ITPR2: variants seen among roughly 807,000 people sequenced by gnomAD.
The protein encoded by ITPR2 is inositol 1,4,5-trisphosphate-gated calcium channel ITPR2.
A neutral mutation model predicts 317.1 loss-of-function variants in ITPR2; 207 were observed. The observed-to-expected ratio is 0.65, with a 90% CI of 0.58 to 0.73. ITPR2 has a LOEUF of 0.73. ITPR2 is among the 30% of genes least tolerant of loss of function. The probability of loss-of-function intolerance (pLI) is 0.00; values close to 1 mark genes in which losing one functional copy is unlikely to be tolerated. For missense variants in ITPR2, 2,613 were observed against 3,284.0 expected, an observed-to-expected ratio of 0.80 and a Z score of 4.99; for synonymous variants, 1,156 against 1,149.1, an observed-to-expected ratio of 1.01 and a Z score of -0.12.
chr12:26,486,112 C>T lies in ITPR2; in HGVS notation c.5803G>A (p.Glu1935Lys). 1 of 1,614,060 alleles carries T rather than the reference C, an allele frequency of 6.2e-7. No homozygotes were observed. The highest frequency in any genetic ancestry group is 8.5e-7 in the Non-Finnish European group (1 of 1,179,966). ...CAAAACAGAACAAATACCTGCAATT[C>T]CCGGTTGTGATTCTCACACAGTAAC... Reference protein sequence around the residue: ...LQLLCENHNRELQNFLRNQNN... With the variant: ...LQLLCENHNRKLQNFLRNQNN... The change falls in exon 41 of 57, where the codon GAA (glutamate) becomes AAA (lysine). Residue 1935 changes from glutamate (E) to lysine (K), a missense_variant. Glu to Lys is a moderately conservative substitution (Grantham distance 56, BLOSUM62 1). Transcript: ENST00000381340.
chr12:26,383,618 G>C (rs1044840216), intron 55 of ITPR2, among the ~76,000 whole-genome samples: 6 of 151,202 alleles, frequency 4.0e-5, no homozygotes, highest in African/African-American at 1.5e-4. Context: ...CGAGTAGCTG[G>C]GACTACATGT....
At chr12:26,622,116 A>G in intron 25 of ITPR2, 124 bp downstream of exon 25, 1 of 756,096 alleles carries the variant, frequency 1.3e-6, no homozygotes, top group Non-Finnish European at 2.0e-6. Flanking sequence ...CTGTTTAAAA[A>G]TAGAAAGTGT....
At position 26,663,402 on chromosome 12, in the gene ITPR2, A is replaced by G. The variant is rs575971443; in HGVS notation, c.1713+283T>C. Among the ~76,000 whole-genome samples, 13 of 152,272 alleles carry G rather than the reference A, an allele frequency of 8.5e-5. No individual in the cohort carries two copies. The South Asian group carries it at 1.5e-3, about 17-fold the overall frequency. On this transcript the variant is annotated intron_variant, in intron 15 of 56. Transcript: ENST00000381340. ...CCAAAAATGTTCCATTCCTCCTTAC[A>G]TAATAGATCCAGGATGTCCTGGCCA...
intron 9 of ITPR2, among the ~76,000 whole-genome samples, chr12:26,697,673 G>C (rs1948376883): frequency 6.6e-6 from 1 of 152,086 alleles, no homozygotes. Context: ...GCTGGGCATG[G>C]TGGCACGCAC....
chr12:26,475,552 G>C (rs1942398236), intron 44 of ITPR2, 134 bp from the exon 45 acceptor site: 3 of 837,516 alleles, frequency 3.6e-6, no homozygotes, highest in Non-Finnish European at 5.4e-6. Context: ...AATGGCCTTG[G>C]AAACCATCCT....
Position 26,428,050 on chromosome 12 carries a change from C to T in ITPR2, c.6808G>A (p.Ala2270Thr), listed in dbSNP as rs1166637226. The T allele has an allele frequency of 6.2e-7, 1 of 1,609,516 alleles. No individual in the cohort carries two copies. Among genetic ancestry groups the T allele is most frequent in the Non-Finnish European group, 8.5e-7 (1 of 1,178,250 alleles). Residue 2270 changes from alanine to threonine, a missense_variant, in exon 49 of 57, where the codon GCA becomes ACA. Ala to Thr is a moderately conservative substitution (Grantham distance 58). Around this residue, in one of 9 missense-constraint regions of ITPR2, gnomAD observed 926 missense variants for 1,072.8 expected, o/e 0.86. Transcript: ENST00000381340. ...AGCATAGATGTGCAGATCGCAACTG[C>T]TATCCAAAGAAGAACCGAGAACAAT... is the stretch of plus-strand genomic sequence containing the variant. ...SPLFSVLLWIAVAICTSMLFF... is the reference protein window; with the variant it reads ...SPLFSVLLWITVAICTSMLFF...
chr12:26,375,423 A>ATT (rs1939309198), intron 55 of ITPR2, among the ~76,000 whole-genome samples: 2 of 152,222 alleles, frequency 1.3e-5, no homozygotes, highest in Non-Finnish European at 2.9e-5. Context: ...TTTCATACTA[A>ATT]AATGTAATCA....
At chr12:26,538,559 AT>A (rs887029803) in intron 37 of ITPR2, among the ~76,000 whole-genome samples, 6 of 150,990 alleles carry the variant, frequency 4.0e-5, no homozygotes, top group African/African-American at 1.5e-4. Flanking sequence ...AAAGCCTGTG[AT>A]TTTTTTTTCT....
intron 55 of ITPR2, chr12:26,373,599 C>G (rs1455463011): frequency 6.6e-6 from 1 of 152,182 alleles, no homozygotes; most frequent in East Asian, 1.9e-4. Flanking sequence ...AGTTAACAAT[C>G]ACAGTAGAAC....
chr12:26,338,248 C>T lies in ITPR2; in HGVS notation c.*1149G>A. On this transcript the variant is annotated 3_prime_UTR_variant, in exon 57 of 57. Coordinates refer to ENST00000381340, the MANE Select transcript of ITPR2 (RefSeq NM_002223.4). Reference sequence around the variant, plus strand: ...AGGTTATTCTCTCCCTCGACAAATTCTGAGTGCATGATTTAATACAAAAAC... The same window carrying T: ...AGGTTATTCTCTCCCTCGACAAATTTTGAGTGCATGATTTAATACAAAAAC... 1 of 152,746 alleles carries T rather than the reference C, an allele frequency of 6.5e-6. No homozygotes were observed. Among genetic ancestry groups the T allele is most frequent in the Non-Finnish European group, 1.5e-5 (1 of 68,020 alleles). 9.5% of individuals were successfully genotyped at this position (152,746 alleles called of 1,614,324 possible). A position where few individuals can be genotyped will look rare whatever the true frequency, so the allele number is the denominator to read the frequency against.
At chr12:26,510,315 C>T (rs1413139452) in intron 37 of ITPR2, among the ~76,000 whole-genome samples, 1 of 152,182 alleles carries the variant, frequency 6.6e-6, no homozygotes, top group Non-Finnish European at 1.5e-5. Context: ...AATAAGACTA[C>T]ACATCTTCCA....
intron 38 of ITPR2, among the ~76,000 whole-genome samples, 167 bp from the exon 39 acceptor site, chr12:26,494,507 C>T (rs910781403): frequency 9.2e-5 from 14 of 151,948 alleles, no homozygotes; most frequent in Admixed American, 2.6e-4. Flanking sequence ...TGGTGGCTCA[C>T]GCCTGTAATC....
At chr12:26,561,553 C>T (rs1944818790) in intron 35 of ITPR2, among the ~76,000 whole-genome samples, 1 of 152,074 alleles carries the variant, frequency 6.6e-6, no homozygotes, top group Admixed American at 6.6e-5. Context: ...ACTATCAAAA[C>T]AGAGTTATTA....
rs1033634268 is a variant in ITPR2 at position 26,600,082 on chromosome 12, T to G, written c.3706A>C (p.Asn1236His). The change falls in exon 29 of 57, where the codon AAT (asparagine) becomes CAT (histidine). Residue 1236 changes from asparagine to histidine, a missense_variant. Asn to His is a moderately conservative substitution (Grantham distance 68). Transcript: ENST00000381340. Reference sequence around the variant, plus strand: ...TTCTGCAGAAATGTATGGGCTAGATTCATTACTTCATTCATCTTTTCATCA... The same window carrying G: ...TTCTGCAGAAATGTATGGGCTAGATGCATTACTTCATTCATCTTTTCATCA... ...KNDEKMNEVM[N>H]LAHTFLQNFC... 18 of 1,606,314 alleles carry G rather than the reference T, an allele frequency of 1.1e-5. No individual in the cohort carries two copies. The Middle Eastern group carries it at 5.0e-4, about 44-fold the overall frequency.
chr12:26,758,031 A>C (rs189461420), intron 2 of ITPR2, among the ~76,000 whole-genome samples: 25 of 152,302 alleles, frequency 1.6e-4, no homozygotes, highest in African/African-American at 6.0e-4. Context: ...TTTGATTCTG[A>C]AGTAACTGTC....
intron 5 of ITPR2, among the ~76,000 whole-genome samples, chr12:26,717,689 T>A (rs1948765548): frequency 6.6e-6 from 1 of 152,196 alleles, no homozygotes; most frequent in Admixed American, 6.5e-5. Context: ...TAGGAGGATC[T>A]GCATAAATAA....
At chr12:26,639,090 T>C (rs190234343) in intron 21 of ITPR2, among the ~76,000 whole-genome samples, 1 of 152,078 alleles carries the variant, frequency 6.6e-6, no homozygotes, top group Non-Finnish European at 1.5e-5. Context: ...GATTGAGTCA[T>C]AAGAGGAACT....
intron 2 of ITPR2, among the ~76,000 whole-genome samples, chr12:26,752,289 G>A (rs1949436928): frequency 6.6e-6 from 1 of 152,122 alleles, no homozygotes; most frequent in Non-Finnish European, 1.5e-5. Flanking sequence ...AAAGGAGCTG[G>A]GTAAAATGAG....
intron 32 of ITPR2, among the ~76,000 whole-genome samples, chr12:26,586,154 T>C (rs1249315338): frequency 6.6e-6 from 1 of 152,200 alleles, no homozygotes; most frequent in East Asian, 1.9e-4. Context: ...ATTTATTCAT[T>C]TATTTTCAGA....
Sources: gnomAD v4.1 joint callset for allele counts (sites outside exome capture counted in the v4.1 genomes callset) on GRCh38, gnomAD v4.1.1 for gene constraint, gnomAD v4.1.1 regional missense constraint, MANE v1.5 for transcripts, NCBI Gene and HGNC (gene_info 2026-07-23, HGNC 2026-07-21) for gene names.